The following ARFGEF3 variants were observed in gnomAD, a reference collection of about 807,000 sequenced individuals.
The protein encoded by ARFGEF3 is ARFGEF family member 3, also known as brefeldin A-inhibited guanine nucleotide-exchange protein 3.
ARFGEF3 carries 96 observed loss-of-function variants against 221.7 expected under a neutral mutation model. The ratio of observed to expected loss-of-function variants is 0.43; its 90% confidence interval spans 0.37 to 0.51. The LOEUF (loss-of-function observed/expected upper bound fraction) is 0.51. ARFGEF3 is among the 20% of genes least tolerant of loss of function. ARFGEF3 has a pLI of 0.00. For missense variants in ARFGEF3, 2,410 were observed against 2,789.9 expected (o/e 0.86, Z 3.07); for synonymous variants, 1,145 against 1,126.8 (o/e 1.02, Z -0.32).
intron 27 of ARFGEF3, among the ~76,000 whole-genome samples, chr6:138,318,551 G>T (rs892379647): frequency 6.6e-6 from 1 of 152,204 alleles, no homozygotes; most frequent in African/African-American, 2.4e-5. Flanking sequence ...AAAGCATTAT[G>T]TTAAAATGCA....
chr6:138,210,077 G>A (rs368629110), intron 4 of ARFGEF3, 36 bp downstream of exon 4: 208 of 1,606,146 alleles, frequency 1.3e-4, no homozygotes, highest in Admixed American at 3.9e-4. Flanking sequence ...GCGTCACTGG[G>A]ACAGGAACAC....
chr6:138,295,439 G>A (rs954500802), intron 20 of ARFGEF3, among the ~76,000 whole-genome samples: 18 of 151,134 alleles, frequency 1.2e-4, no homozygotes, highest in Non-Finnish European at 2.5e-4. Context: ...GACCAATATG[G>A]TGAAACCCTG....
chr6:138,321,235 T>C lies in ARFGEF3; in HGVS notation c.4766+10T>C, dbSNP rs77518804. On this transcript the variant is annotated intron_variant, in intron 29 of 33. Transcript: ENST00000251691. Reference sequence around the variant, plus strand: ...GCTGCTCCTGTATTAGGTGAGGAAATGCTTTCCTGACTCTCCACAAAGCTG... The same window carrying C: ...GCTGCTCCTGTATTAGGTGAGGAAACGCTTTCCTGACTCTCCACAAAGCTG... 65,782 of 1,374,478 alleles carry C rather than the reference T, an allele frequency of 0.048. 1,707 individuals are homozygous for C. The highest frequency in any genetic ancestry group is 0.075 in the African/African-American group (5,200 of 68,942). The allele number at this position is 1,374,478 out of a possible 1,614,324, so 85.1% of individuals were successfully genotyped here. A position where few individuals can be genotyped will look rare whatever the true frequency, so the allele number is the denominator to read the frequency against.
At chr6:138,247,157 G>A (rs1165832314) in intron 8 of ARFGEF3, among the ~76,000 whole-genome samples, 1 of 152,132 alleles carries the variant, frequency 6.6e-6, no homozygotes, top group Non-Finnish European at 1.5e-5. Context: ...CCTTGCTCAG[G>A]AGGGCTGAGT....
rs1331961491 is a variant in ARFGEF3 at position 138,337,808 on chromosome 6, A to G, written c.*1322A>G. On this transcript the variant is annotated 3_prime_UTR_variant, in exon 34 of 34. Transcript: ENST00000251691. ...ATTTTTATATTTCTTACATTATCCT[A>G]ATGATTGAAAACTCCTCAATCAAGC... 1 of 152,198 alleles carries G rather than the reference A, an allele frequency of 6.6e-6. No individual in the cohort carries two copies. Among genetic ancestry groups the G allele is most frequent in the African/African-American group, 2.4e-5 (1 of 41,442 alleles). 9.4% of individuals were successfully genotyped at this position (152,198 alleles called of 1,614,324 possible). A position where few individuals can be genotyped will look rare whatever the true frequency, so the allele number is the denominator to read the frequency against.
In ARFGEF3 at chr6:138,336,490, A is replaced by C; in HGVS notation, c.*4A>C. On this transcript the variant is annotated 3_prime_UTR_variant, in exon 34 of 34. Transcript: ENST00000251691. ...TGTCTATGACATCATTGTGTAGCCG[A>C]CTCCTGTTCTACTCTCCCACCAAAT... The C allele has an allele frequency of 1.3e-6, 2 of 1,594,080 alleles. No homozygotes were observed. Among genetic ancestry groups the C allele is most frequent in the East Asian group, 2.3e-5 (1 of 43,824 alleles).
chr6:138,262,142 C>CA (rs1265875319), intron 11 of ARFGEF3, among the ~76,000 whole-genome samples: 1 of 150,176 alleles, frequency 6.7e-6, no homozygotes, highest in Non-Finnish European at 1.5e-5. Context: ...TATTTGTACC[C>CA]AAAAAACCAG....
intron 32 of ARFGEF3, among the ~76,000 whole-genome samples, chr6:138,331,262 A>G (rs1780222192): frequency 6.6e-6 from 1 of 152,260 alleles, no homozygotes; most frequent in Non-Finnish European, 1.5e-5. Context: ...AAACAAAATA[A>G]GCATATTAAA....
intron 4 of ARFGEF3, among the ~76,000 whole-genome samples, chr6:138,227,344 G>A (rs900548416): frequency 4.6e-5 from 7 of 152,124 alleles, no homozygotes; most frequent in African/African-American, 1.4e-4. Context: ...GCTTCCAACC[G>A]CTGCTCCGAA....
chr6:138,321,956 C>T (rs1360606613), intron 29 of ARFGEF3, among the ~76,000 whole-genome samples: 2 of 152,302 alleles, frequency 1.3e-5, no homozygotes, highest in African/African-American at 4.8e-5. Flanking sequence ...AGGAGCAAGT[C>T]ACATCTTAAT....
At chr6:138,305,608 G>A (rs1441437174) in intron 22 of ARFGEF3, among the ~76,000 whole-genome samples, 8 of 127,482 alleles carry the variant, frequency 6.3e-5, no homozygotes, top group African/African-American at 1.9e-4. Context: ...GTGAGACCCT[G>A]TCTCAAAAAA....
At chr6:138,267,975 G>A (rs1486138200) in intron 12 of ARFGEF3, among the ~76,000 whole-genome samples, 1 of 152,072 alleles carries the variant, frequency 6.6e-6, no homozygotes, top group Admixed American at 6.6e-5. Context: ...TCAGGAGTTG[G>A]ACTCTCTTTC....
At position 138,269,295 on chromosome 6, in the gene ARFGEF3, C is replaced by G. The variant is rs984980058; in HGVS notation, c.2128+5684C>G. On this transcript the variant is annotated intron_variant, in intron 12 of 33. Coordinates refer to ENST00000251691, the MANE Select transcript of ARFGEF3 (RefSeq NM_020340.5). ...TGGGCTGAAGTCTCTGGAAGGAGCT[C>G]TAGCTTTGTGACTACACAACCAGGA... Among the ~76,000 whole-genome samples the G allele has an allele frequency of 1.2e-4, 18 of 152,350 alleles. No homozygotes were observed. The Middle Eastern group carries it at 0.01, about 86-fold the overall frequency.
chr6:138,162,623 G>A lies in ARFGEF3; in HGVS notation c.85+452G>A, dbSNP rs890180306. 6.6e-6 allele frequency among the ~76,000 whole-genome samples: 1 copy of A among 152,248 alleles called. No individual in the cohort carries two copies. The highest frequency in any genetic ancestry group is 1.5e-5 in the Non-Finnish European group (1 of 68,038). On this transcript the variant is annotated intron_variant, in intron 1 of 33. Coordinates refer to ENST00000251691, the MANE Select transcript of ARFGEF3 (RefSeq NM_020340.5). The surrounding 1 kb of genome is among the most constrained non-coding windows in gnomAD (Gnocchi z 4.7). ...GTTTAATTTGATTTTCCTGATAGAG[G>A]TCAGCTTGCTTAGTGTTAGCTTTCC... is the stretch of plus-strand genomic sequence containing the variant.
Position 138,336,488 on chromosome 6 carries a change from C to G in ARFGEF3, c.*2C>G. 1 of 1,599,856 alleles carries G rather than the reference C, an allele frequency of 6.3e-7. No individual in the cohort carries two copies. The highest frequency in any genetic ancestry group is 8.5e-7 in the Non-Finnish European group (1 of 1,173,112). ...CGTGTCTATGACATCATTGTGTAGC[C>G]GACTCCTGTTCTACTCTCCCACCAA... is the stretch of plus-strand genomic sequence containing the variant. On this transcript the variant is annotated 3_prime_UTR_variant, in exon 34 of 34. Transcript: ENST00000251691.
chr6:138,176,087 A>G lies in ARFGEF3; in HGVS notation c.137+5374A>G, dbSNP rs1187572329. On this transcript the variant is annotated intron_variant, in intron 2 of 33. Coordinates refer to ENST00000251691, the MANE Select transcript of ARFGEF3 (RefSeq NM_020340.5). ...CTGCTTACTTTTGATTTCCGTTTGCATGGAATATCTTTTCCCACCTCTGTA... is the reference window on the plus strand; with the variant it reads ...CTGCTTACTTTTGATTTCCGTTTGCGTGGAATATCTTTTCCCACCTCTGTA... 2.0e-5 allele frequency among the ~76,000 whole-genome samples: 3 copies of G among 151,928 alleles called. No individual in the cohort carries two copies. In the East Asian group the frequency reaches 5.8e-4, roughly 29 times the overall value.
intron 32 of ARFGEF3, among the ~76,000 whole-genome samples, chr6:138,330,627 G>A (rs899399533): frequency 2.0e-5 from 3 of 152,224 alleles, no homozygotes; most frequent in East Asian, 3.9e-4. Flanking sequence ...CCGAGATCAC[G>A]CCACTGCACT....
intron 20 of ARFGEF3, among the ~76,000 whole-genome samples, chr6:138,295,102 T>C (rs1779481585): frequency 6.6e-6 from 1 of 152,032 alleles, no homozygotes; most frequent in South Asian, 2.1e-4. Flanking sequence ...TCTTTCGCAT[T>C]GGAGAAAACA....
chr6:138,293,938 T>TC (rs1779460501), intron 19 of ARFGEF3, 55 bp from the exon 20 acceptor site: 2 of 1,580,934 alleles, frequency 1.3e-6, no homozygotes, highest in Non-Finnish European at 1.7e-6. Context: ...CATTCTGCCA[T>TC]AAAGACCTTG....
Sources: allele counts gnomAD v4.1 joint callset (sites outside exome capture counted in the v4.1 genomes callset), GRCh38; gene constraint gnomAD v4.1.1; non-coding constraint Gnocchi (gnomAD v3.1); transcripts MANE v1.5; gene names NCBI Gene and HGNC (gene_info 2026-07-23, HGNC 2026-07-21).